The following PRKN variants were observed in gnomAD, a reference collection of about 807,000 sequenced individuals.
The protein encoded by PRKN is E3 ubiquitin-protein ligase parkin.
A neutral mutation model predicts 59.5 loss-of-function variants in PRKN; 56 were observed. That is an observed-to-expected ratio of 0.94 (90% CI 0.76 to 1.18). The LOEUF is 1.18. Ranked by LOEUF, PRKN falls within the 50% of genes most tolerant of loss-of-function variation. The pLI, the probability that PRKN is intolerant of heterozygous loss-of-function variation, is 0.00. For missense variants in PRKN, 657 were observed against 596.4 expected, an observed-to-expected ratio of 1.10 and a Z score of -1.06; for synonymous variants, 250 against 222.1, an observed-to-expected ratio of 1.13 and a Z score of -1.12.
intron 4 of PRKN, among the ~76,000 whole-genome samples, chr6:162,121,876 A>G (rs1780929431): frequency 6.6e-6 from 1 of 152,210 alleles, no homozygotes; most frequent in South Asian, 2.1e-4. Context: ...ATATACTGTC[A>G]CTAAAACACT....
chr6:162,097,708 T>G (rs890676333), intron 4 of PRKN, among the ~76,000 whole-genome samples: 1 of 152,180 alleles, frequency 6.6e-6, no homozygotes, highest in Non-Finnish European at 1.5e-5. Context: ...AGCATCTTGT[T>G]TATTCACAAA....
chr6:162,461,499 CAAAAAAAAAAAAAAAAA>C (rs780424226), intron 1 of PRKN, among the ~76,000 whole-genome samples: 2 of 36,514 alleles, frequency 5.5e-5, no homozygotes, highest in South Asian at 2.4e-3. Context: ...TAAAGTGTCT[CAAAAAAAAAAAAAAAAA>C]AAAAAAAAAA....
At chr6:161,904,780 C>T (rs866267674) in intron 6 of PRKN, among the ~76,000 whole-genome samples, 1 of 151,940 alleles carries the variant, frequency 6.6e-6, no homozygotes, top group African/African-American at 2.4e-5. Flanking sequence ...TCAAGAAGAG[C>T]GTGTGGCCAG....
At chr6:161,958,940 T>C (rs1780281388) in intron 6 of PRKN, among the ~76,000 whole-genome samples, 2 of 152,014 alleles carry the variant, frequency 1.3e-5, no homozygotes, top group South Asian at 4.2e-4. Flanking sequence ...GTTTATAATA[T>C]AGTTAACATA....
At chr6:162,222,794 G>A (rs1164185106) in intron 3 of PRKN, among the ~76,000 whole-genome samples, 1 of 152,058 alleles carries the variant, frequency 6.6e-6, no homozygotes, top group Non-Finnish European at 1.5e-5. Flanking sequence ...AGCAAAAAAT[G>A]ACTAATACGT....
intron 2 of PRKN, among the ~76,000 whole-genome samples, chr6:162,346,209 C>T (rs527673645): frequency 6.6e-6 from 1 of 152,278 alleles, no homozygotes; most frequent in East Asian, 1.9e-4. Flanking sequence ...ATATTCCTTT[C>T]AGTGGACTGG....
chr6:162,313,129 C>G (rs1782598308), intron 2 of PRKN, among the ~76,000 whole-genome samples: 1 of 152,044 alleles, frequency 6.6e-6, no homozygotes, highest in Non-Finnish European at 1.5e-5. Context: ...ACATTTCATA[C>G]AATTTGCCAT....
At chr6:161,655,083 C>G (rs1197419033) in intron 7 of PRKN, among the ~76,000 whole-genome samples, 1 of 150,940 alleles carries the variant, frequency 6.6e-6, no homozygotes, top group Non-Finnish European at 1.5e-5. Context: ...CATTCCTGGG[C>G]CCACCCAGGC....
intron 2 of PRKN, among the ~76,000 whole-genome samples, chr6:162,433,206 G>C (rs1325089085): frequency 1.3e-5 from 2 of 152,036 alleles, no homozygotes; most frequent in African/African-American, 4.8e-5. Flanking sequence ...GTCCTTTGTA[G>C]GTAAAATTTC....
chr6:161,613,637 C>T (rs1009629210), intron 7 of PRKN, among the ~76,000 whole-genome samples: 16 of 152,062 alleles, frequency 1.1e-4, no homozygotes, highest in South Asian at 2.1e-4. Context: ...GCCACAGCCA[C>T]GTCAAGCTTC....
intron 7 of PRKN, among the ~76,000 whole-genome samples, chr6:161,671,516 G>A (rs1402633504): frequency 6.6e-6 from 1 of 152,162 alleles, no homozygotes; most frequent in Non-Finnish European, 1.5e-5. Flanking sequence ...GTGTGATGCT[G>A]GATGGATGTG....
intron 5 of PRKN, among the ~76,000 whole-genome samples, chr6:162,034,552 T>A (rs1783769114): frequency 6.6e-6 from 1 of 151,786 alleles, no homozygotes; most frequent in African/African-American, 2.4e-5. Flanking sequence ...TACACAAAAC[T>A]TGAAAGGTGA....
chr6:162,152,251 C>G (rs554703403), intron 4 of PRKN, among the ~76,000 whole-genome samples: 1 of 152,162 alleles, frequency 6.6e-6, no homozygotes, highest in Non-Finnish European at 1.5e-5. Context: ...TGGCTCACAT[C>G]GTTTCCTAGT....
chr6:162,033,417 T>C (rs1235522546), intron 5 of PRKN, among the ~76,000 whole-genome samples: 2 of 152,240 alleles, frequency 1.3e-5, no homozygotes, highest in South Asian at 2.1e-4. Flanking sequence ...TGGTCAACTA[T>C]CATAATTTAT....
At chr6:162,668,900 T>A (rs1779210964) in intron 1 of PRKN, among the ~76,000 whole-genome samples, 1 of 152,178 alleles carries the variant, frequency 6.6e-6, no homozygotes, top group Non-Finnish European at 1.5e-5. Flanking sequence ...ATGATAATGA[T>A]GATGGTGGTG....
chr6:162,228,579 C>T (rs1416452455), intron 3 of PRKN, among the ~76,000 whole-genome samples: 2 of 152,150 alleles, frequency 1.3e-5, no homozygotes, highest in African/African-American at 2.4e-5. Flanking sequence ...TCACTCATCT[C>T]ACTTTGCTGA....
chr6:161,522,218 C>A (rs1379902267), intron 9 of PRKN, among the ~76,000 whole-genome samples: 1 of 152,120 alleles, frequency 6.6e-6, no homozygotes, highest in Non-Finnish European at 1.5e-5. Context: ...TGTCAGAATG[C>A]CTATTCCAAA....
At chr6:162,110,835 C>G (rs921587628) in intron 4 of PRKN, among the ~76,000 whole-genome samples, 35 of 152,264 alleles carry the variant, frequency 2.3e-4, no homozygotes, top group Middle Eastern at 3.4e-3. Flanking sequence ...TACACACCCT[C>G]TAGGAAACGG....
At chr6:162,503,136 CT>C (rs10629175) in intron 1 of PRKN, among the ~76,000 whole-genome samples, 15,058 of 82,116 alleles carry the variant, frequency 0.18, 600 homozygotes, top group East Asian at 0.36. Flanking sequence ...GTCTTCATTT[CT>C]TTTTTTTTTT....
Sources: allele counts gnomAD v4.1 joint callset (sites outside exome capture counted in the v4.1 genomes callset), GRCh38; gene constraint gnomAD v4.1.1; transcripts MANE v1.5; gene names NCBI Gene and HGNC (gene_info 2026-07-23, HGNC 2026-07-21).